RASGRP4: variants seen among roughly 807,000 people sequenced by gnomAD.
RASGRP4 encodes RAS guanyl releasing protein 4.
RASGRP4 carries 52 observed loss-of-function variants against 84.4 expected under a neutral mutation model. The ratio of observed to expected loss-of-function variants is 0.62; its 90% CI spans 0.49 to 0.78. The LOEUF is 0.78. Ranked by LOEUF, RASGRP4 falls within the 30% of genes least tolerant of loss-of-function variation. The probability of loss-of-function intolerance (pLI) is 0.00; values close to 1 mark genes in which losing one functional copy is unlikely to be tolerated. For missense variants in RASGRP4, 760 were observed against 886.9 expected (o/e 0.86, Z 1.82); for synonymous variants, 356 against 359.1 (o/e 0.99, Z 0.10).
Position 38,409,088 on chromosome 19 carries a change from G to A in RASGRP4, c.*952C>T. On this transcript the variant is annotated 3_prime_UTR_variant, in exon 17 of 17. Coordinates refer to ENST00000615439, the MANE Select transcript of RASGRP4 (RefSeq NM_170604.3). ...AGAATAAATTTAATTTATGACAGCT[G>A]TAGGACCTCTCTCTGTGGGGGCCAA... The A allele has an allele frequency of 2.2e-6, 1 of 450,720 alleles. No individual in the cohort carries two copies. Among genetic ancestry groups the A allele is most frequent in the South Asian group, 3.9e-5 (1 of 25,970 alleles). 27.9% of individuals were successfully genotyped at this position (450,720 alleles called of 1,614,324 possible). A position where few individuals can be genotyped will look rare whatever the true frequency, so the allele number is the denominator to read the frequency against.
chr19:38,412,720 A>G lies in RASGRP4; in HGVS notation c.1632T>C (p.His544=). The G allele has an allele frequency of 1.2e-6, 2 of 1,613,066 alleles. No homozygotes were observed. Among genetic ancestry groups the G allele is most frequent in the Non-Finnish European group, 1.7e-6 (2 of 1,179,532 alleles). ...AGGTAGGCTTTCGGAAGGTGACCTCATGGAAGGTGTGCAGGAAGGCCAGGC... is the reference window on the plus strand; with the variant it reads ...AGGTAGGCTTTCGGAAGGTGACCTCGTGGAAGGTGTGCAGGAAGGCCAGGC... ...KLGLAFLHTF[H]EVTFRKPTFC... Residue 544 remains histidine, a synonymous_variant, in exon 13 of 17, where the codon CAT becomes CAC. Coordinates refer to ENST00000615439, the MANE Select transcript of RASGRP4 (RefSeq NM_170604.3). This position sits in a 1 kb window ranked among gnomAD's most constrained non-coding sequence, Gnocchi z 4.6.
At chr19:38,421,296 G>A in intron 2 of RASGRP4, 96 bp from the exon 3 acceptor site, 1 of 853,970 alleles carries the variant, frequency 1.2e-6, no homozygotes, top group South Asian at 1.5e-5. Context: ...TCAAAGACCA[G>A]CTCTAACGGT....
intron 2 of RASGRP4, among the ~76,000 whole-genome samples, chr19:38,421,487 G>A (rs1049589901): frequency 7.2e-5 from 11 of 152,152 alleles, no homozygotes; most frequent in Admixed American, 2.0e-4. Flanking sequence ...TGAATCGGGC[G>A]GATCATATGA....
At chr19:38,411,571 CGCCAAGGTGGGAGGTTGGGAG>C (rs1971258139) in intron 13 of RASGRP4, 190 bp from the exon 14 acceptor site, 3 of 611,044 alleles carry the variant, frequency 4.9e-6, no homozygotes, top group Middle Eastern at 4.4e-4. Context: ...CACTTTGAGA[CGCCAAGGTGGGAGGTTGGGAG>C]GCCAAGGTGG....
In RASGRP4 at chr19:38,412,655, T is replaced by C; in HGVS notation, c.1680+17A>G. ...GACAGATGGAACCTAAGGGTGGTGA[T>C]GGGGTGGGGTGCTCACGAAGCCACT... On this transcript the variant is annotated intron_variant, in intron 13 of 16. Transcript: ENST00000615439. The surrounding 1 kb of genome is among the most constrained non-coding windows in gnomAD (Gnocchi z 4.6). 3 of 1,609,590 alleles carry C rather than the reference T, an allele frequency of 1.9e-6. No homozygotes were observed. Among genetic ancestry groups the C allele is most frequent in the South Asian group, 1.1e-5 (1 of 90,556 alleles).
chr19:38,417,300 AGGC>A lies in RASGRP4; in HGVS notation c.838-135_838-133del, dbSNP rs1971538976. On this transcript the variant is annotated intron_variant, in intron 7 of 16. Transcript: ENST00000615439. The surrounding 1 kb of genome is among the most constrained non-coding windows in gnomAD (Gnocchi z 5.1). ...ATGTGGGGATCAGACAGGTGAGAGA[AGGC>A]GGGTGTGTGCGGCAAGAGTGGGACA... is the stretch of plus-strand genomic sequence containing the variant. 1 of 664,790 alleles carries A rather than the reference AGGC, an allele frequency of 1.5e-6. No individual in the cohort carries two copies. Among genetic ancestry groups the A allele is most frequent in the Non-Finnish European group, 2.7e-6 (1 of 364,402 alleles). 41.2% of individuals were successfully genotyped at this position (664,790 alleles called of 1,614,324 possible).
Position 38,419,889 on chromosome 19 carries a change from G to C in RASGRP4, c.634C>G (p.Leu212Val), listed in dbSNP as rs1304708172. Reference protein sequence around the residue: ...TGELAQHLTYLEFRSFQAITP... With the variant: ...TGELAQHLTYVEFRSFQAITP... ...ATAGCCTGGAAGGACCGGAACTCCA[G>C]GTAGGTGAGGTGCTGAGCCAGCTCC... Residue 212 changes from leucine (L) to valine (V), a missense_variant, in exon 6 of 17, where the codon CTG (leucine) becomes GTG (valine). Transcript: ENST00000615439. 3 of 1,606,768 alleles carry C rather than the reference G, an allele frequency of 1.9e-6. No individual in the cohort carries two copies. The highest frequency in any genetic ancestry group is 3.4e-5 in the Admixed American group (2 of 58,576).
chr19:38,412,083 TTTGTTG>T lies in RASGRP4; in HGVS notation c.1680+583_1680+588del, dbSNP rs56791891. The stretch of plus-strand genomic sequence containing the variant: ...CTACCCGGTTTGGAGATTATCCAGG[TTTGTTG>T]TTGTTGTTGTTGTTGTTGTTGTTGT... On this transcript the variant is annotated intron_variant, in intron 13 of 16. Transcript: ENST00000615439. This position sits in a 1 kb window ranked among gnomAD's most constrained non-coding sequence, Gnocchi z 4.6. Among the ~76,000 whole-genome samples, 9,043 of 128,592 alleles carry T rather than the reference TTTGTTG, an allele frequency of 0.07. 308 individuals carry two copies. The highest frequency in any genetic ancestry group is 0.099 in the African/African-American group (2,860 of 28,866). The allele number at this position is 128,592 out of a possible 152,430, so 84.4% of individuals were successfully genotyped here.
intron 2 of RASGRP4, 93 bp downstream of exon 2, chr19:38,421,876 G>T (rs1189731035): frequency 5.8e-6 from 6 of 1,040,852 alleles, no homozygotes; most frequent in Non-Finnish European, 8.6e-6. Context: ...ACCCAGCCCT[G>T]TTCTCATTTT....
intron 1 of RASGRP4, among the ~76,000 whole-genome samples, chr19:38,422,688 C>A (rs1473016317): frequency 6.6e-6 from 1 of 152,072 alleles, no homozygotes; most frequent in African/African-American, 2.4e-5. Context: ...TCTCTCATCA[C>A]CCCCAGATGG....
intron 1 of RASGRP4, among the ~76,000 whole-genome samples, chr19:38,424,616 T>TGGG (rs113584388): frequency 1.8e-5 from 2 of 109,578 alleles, no homozygotes; most frequent in East Asian, 3.2e-4. Context: ...TGTGTGTCAA[T>TGGG]GGGGGGGGGG....
Position 38,426,100 on chromosome 19 carries a change from CG to C in RASGRP4, c.-10del. On this transcript the variant is annotated 5_prime_UTR_variant, in exon 1 of 17. Transcript: ENST00000615439. ...CTGTCTTTTCTGTTCATGCTTCCCGCGTGGGGTGAGGAGGCCGGGGGTCTTG... is the reference window on the plus strand; with the variant it reads ...CTGTCTTTTCTGTTCATGCTTCCCGCTGGGGTGAGGAGGCCGGGGGTCTTG... 7.5e-7 allele frequency: 1 copy of C among 1,331,040 alleles called. No homozygotes were observed. The highest frequency in any genetic ancestry group is 3.1e-5 in the Admixed American group (1 of 31,788). 82.5% of individuals were successfully genotyped at this position (1,331,040 alleles called of 1,614,324 possible). A position where few individuals can be genotyped will look rare whatever the true frequency, so the allele number is the denominator to read the frequency against.
At position 38,418,103 on chromosome 19, in the gene RASGRP4, A is replaced by T. The variant is rs1971578670; in HGVS notation, c.837+288T>A. On this transcript the variant is annotated intron_variant, in intron 7 of 16. Coordinates refer to ENST00000615439, the MANE Select transcript of RASGRP4 (RefSeq NM_170604.3). The surrounding 1 kb of genome is among the most constrained non-coding windows in gnomAD (Gnocchi z 4.6). ...ATGCCCCACAAAGGTGGGGGCATGG[A>T]AGAGACACTCTCATTGACCTGGGGA... Among the ~76,000 whole-genome samples the T allele has an allele frequency of 6.6e-6, 1 of 151,974 alleles. No individual in the cohort carries two copies. The highest frequency in any genetic ancestry group is 6.5e-5 in the Admixed American group (1 of 15,282).
At chr19:38,425,946 C>T (rs1971975926) in intron 1 of RASGRP4, 123 bp downstream of exon 1, 1 of 731,296 alleles carries the variant, frequency 1.4e-6, no homozygotes, top group Non-Finnish European at 2.0e-6. Flanking sequence ...TCCACCTGGC[C>T]CCCCTGCGCC....
At chr19:38,423,045 GAGAC>G (rs1971827266) in intron 1 of RASGRP4, among the ~76,000 whole-genome samples, 1 of 152,006 alleles carries the variant, frequency 6.6e-6, no homozygotes, top group Non-Finnish European at 1.5e-5. Context: ...CATCCTGGAA[GAGAC>G]TTCCTTTTGG....
rs1334838011 is a variant in RASGRP4 at position 38,421,187 on chromosome 19, G to GC, written c.221dup (p.Ser74ArgfsTer61). On this transcript the variant is annotated frameshift_variant, in exon 3 of 17. Transcript: ENST00000615439. LOFTEE classifies it high-confidence loss of function. ...TGAGCATGTGGTCCTCGTGGCACAG[G>GC]CTGCCAGCTGAATCTGGGGTGGAAG... 6.2e-7 allele frequency: 1 copy of GC among 1,612,988 alleles called. No homozygotes were observed. Among genetic ancestry groups the GC allele is most frequent in the Non-Finnish European group, 8.5e-7 (1 of 1,179,146 alleles).
In RASGRP4 at chr19:38,415,230, A is replaced by C. The variant is rs1971450806; in HGVS notation, c.955-107T>G. 5.7e-6 allele frequency: 6 copies of C among 1,047,218 alleles called. No homozygotes were observed. The Admixed American group carries it at 1.7e-4, about 29-fold the overall frequency. The allele number at this position is 1,047,218 out of a possible 1,614,324, so 64.9% of individuals were successfully genotyped here. A position where few individuals can be genotyped will look rare whatever the true frequency, so the allele number is the denominator to read the frequency against. On this transcript the variant is annotated intron_variant, in intron 8 of 16. Coordinates refer to ENST00000615439, the MANE Select transcript of RASGRP4 (RefSeq NM_170604.3). The stretch of plus-strand genomic sequence containing the variant: ...TCAGGGACCCAGTGGCATTGTGGAA[A>C]CCTCTGGAGCCCTTCCATATCCCAT...
chr19:38,420,882 G>A (rs1226106435), intron 4 of RASGRP4, 26 bp downstream of exon 4: 1 of 1,609,102 alleles, frequency 6.2e-7, no homozygotes, highest in South Asian at 1.1e-5. Context: ...TGGGTCCTGA[G>A]AGTGGGGATC....
intron 4 of RASGRP4, among the ~76,000 whole-genome samples, chr19:38,420,665 C>T (rs1705689749): frequency 7.1e-6 from 1 of 140,722 alleles, no homozygotes; most frequent in Non-Finnish European, 1.5e-5. Flanking sequence ...CTCTGGGCAC[C>T]AGCTAGGAGG....
Sources: gnomAD v4.1 joint callset for allele counts (sites outside exome capture counted in the v4.1 genomes callset) on GRCh38, gnomAD v4.1.1 for gene constraint, Gnocchi (gnomAD v3.1) non-coding constraint, MANE v1.5 for transcripts, NCBI Gene and HGNC (gene_info 2026-07-23, HGNC 2026-07-21) for gene names.